ITSN2: variants seen among roughly 807,000 people sequenced by gnomAD.
ITSN2 encodes intersectin-2.
ITSN2 carries 156 observed loss-of-function variants against 243.7 expected under a neutral mutation model. That is an observed-to-expected ratio of 0.64 (90% confidence interval 0.56 to 0.73). ITSN2 has a LOEUF of 0.73. Among genes scored for constraint, ITSN2 ranks in the 30% least tolerant of loss-of-function variants. The probability of loss-of-function intolerance (pLI) is 0.00; values close to 1 mark genes in which losing one functional copy is unlikely to be tolerated. For synonymous variants in ITSN2, 703 were observed against 699.9 expected (o/e 1.00, Z -0.07); for missense variants, 1,801 against 1,996.1 (o/e 0.90, Z 1.86).
At chr2:24,317,152 G>T (rs374781200) in intron 2 of ITSN2, among the ~76,000 whole-genome samples, 6 of 152,272 alleles carry the variant, frequency 3.9e-5, no homozygotes, top group African/African-American at 1.4e-4. Flanking sequence ...AGGCCGAGGC[G>T]GGCGGATCAC....
intron 30 of ITSN2, chr2:24,220,408 G>C: frequency 1.0e-6 from 1 of 985,064 alleles, no homozygotes; most frequent in South Asian, 4.7e-5. Flanking sequence ...TCAGCGTAGA[G>C]GTCACTGGTA....
Position 24,204,111 on chromosome 2 carries a change from A to T in ITSN2, c.4936+134T>A. 2.3e-6 allele frequency: 2 copies of T among 883,646 alleles called. No individual in the cohort carries two copies. The highest frequency in any genetic ancestry group is 3.5e-6 in the Non-Finnish European group (2 of 569,538). The allele number at this position is 883,646 out of a possible 1,614,324, so 54.7% of individuals were successfully genotyped here. Reference sequence around the variant, plus strand: ...AGGAAGGCCACCCACCTGCTGCCAAAGCGAGATGACACAGGCCTGTGTCAC... The same window carrying T: ...AGGAAGGCCACCCACCTGCTGCCAATGCGAGATGACACAGGCCTGTGTCAC... On this transcript the variant is annotated intron_variant, in intron 39 of 39. Transcript: ENST00000355123. The surrounding 1 kb of genome is among the most constrained non-coding windows in gnomAD (Gnocchi z 5.1).
At chr2:24,219,517 T>G (rs1670258343) in intron 30 of ITSN2, among the ~76,000 whole-genome samples, 1 of 152,214 alleles carries the variant, frequency 6.6e-6, no homozygotes, top group Non-Finnish European at 1.5e-5. Flanking sequence ...TGCTGATTCA[T>G]TCATGCCCCT....
At chr2:24,271,643 A>G in intron 19 of ITSN2, 123 bp downstream of exon 19, 1 of 1,254,986 alleles carries the variant, frequency 8.0e-7, no homozygotes, top group Non-Finnish European at 1.0e-6. Flanking sequence ...TTAATTTATA[A>G]AAAGGTTTTT....
At chr2:24,323,669 G>A (rs913139173) in intron 2 of ITSN2, among the ~76,000 whole-genome samples, 1 of 151,978 alleles carries the variant, frequency 6.6e-6, no homozygotes, top group African/African-American at 2.4e-5. Context: ...GAAACTCATC[G>A]AACCGTATAC....
At chr2:24,344,559 A>G (rs1687345509) in intron 1 of ITSN2, among the ~76,000 whole-genome samples, 2 of 152,182 alleles carry the variant, frequency 1.3e-5, no homozygotes, top group African/African-American at 2.4e-5. Flanking sequence ...TGAATTGCCT[A>G]TTCATTTATT....
chr2:24,322,754 T>C (rs1178319059), intron 2 of ITSN2, among the ~76,000 whole-genome samples: 4 of 152,128 alleles, frequency 2.6e-5, no homozygotes, highest in African/African-American at 9.7e-5. Flanking sequence ...TTCCACTCTC[T>C]TAAAGGACAC....
chr2:24,350,140 A>G (rs1490488791), intron 1 of ITSN2, among the ~76,000 whole-genome samples: 1 of 152,202 alleles, frequency 6.6e-6, no homozygotes. Flanking sequence ...CATAAATATC[A>G]GAGGTTATGG....
At chr2:24,356,260 G>A (rs151014954) in intron 1 of ITSN2, among the ~76,000 whole-genome samples, 1 of 150,504 alleles carries the variant, frequency 6.6e-6, no homozygotes, top group East Asian at 2.0e-4. Context: ...AGCTACTTGG[G>A]AGGTGAACCT....
intron 1 of ITSN2, among the ~76,000 whole-genome samples, chr2:24,358,366 T>A (rs893233695): frequency 2.6e-5 from 4 of 152,348 alleles, no homozygotes; most frequent in Admixed American, 1.3e-4. Flanking sequence ...TTCACTTACC[T>A]TTTTGATGGG....
Position 24,211,041 on chromosome 2 carries a change from G to T in ITSN2, c.4090-94C>A. 8.1e-7 allele frequency: 1 copy of T among 1,233,418 alleles called. No individual in the cohort carries two copies. The highest frequency in any genetic ancestry group is 1.2e-6 in the Non-Finnish European group (1 of 865,282). 76.4% of individuals were successfully genotyped at this position (1,233,418 alleles called of 1,614,324 possible). On this transcript the variant is annotated intron_variant, in intron 33 of 39. Coordinates refer to ENST00000355123, the MANE Select transcript of ITSN2 (RefSeq NM_006277.3). The surrounding 1 kb of genome is among the most constrained non-coding windows in gnomAD (Gnocchi z 4.1). ...GACCGCTCCTCCAACCCCATGTTAT[G>T]GACTGCTTCCATGCCCTGGAAACGC...
chr2:24,299,309 T>C (rs1681428136), intron 12 of ITSN2, among the ~76,000 whole-genome samples: 1 of 152,198 alleles, frequency 6.6e-6, no homozygotes, highest in African/African-American at 2.4e-5. Flanking sequence ...ACTTCATAAA[T>C]ATAAATGTTA....
At chr2:24,278,284 T>C (rs1678280874) in intron 17 of ITSN2, among the ~76,000 whole-genome samples, 5 of 152,226 alleles carry the variant, frequency 3.3e-5, no homozygotes, top group Admixed American at 3.3e-4. Context: ...TCCTCTATCA[T>C]AGTGTCTTCT....
At chr2:24,349,455 AC>A (rs1687842339) in intron 1 of ITSN2, among the ~76,000 whole-genome samples, 1 of 152,212 alleles carries the variant, frequency 6.6e-6, no homozygotes, top group Admixed American at 6.5e-5. Flanking sequence ...ACACAAATGT[AC>A]AAAATATGGC....
At chr2:24,303,437 T>C (rs1347786835) in intron 9 of ITSN2, among the ~76,000 whole-genome samples, 1 of 152,224 alleles carries the variant, frequency 6.6e-6, no homozygotes, top group Non-Finnish European at 1.5e-5. Flanking sequence ...GCTTAAAGAA[T>C]AGGATATAAA....
chr2:24,253,060 G>A (rs1007794723), intron 24 of ITSN2, among the ~76,000 whole-genome samples: 1 of 152,150 alleles, frequency 6.6e-6, no homozygotes, highest in Non-Finnish European at 1.5e-5. Context: ...GTAGACGCTC[G>A]ATAAATAGTT....
chr2:24,306,583 C>T (rs188377909), intron 8 of ITSN2, among the ~76,000 whole-genome samples: 1 of 152,172 alleles, frequency 6.6e-6, no homozygotes, highest in Non-Finnish European at 1.5e-5. Context: ...AATATACTGT[C>T]ATTTATCTAT....
At chr2:24,349,304 C>T (rs181590152) in intron 1 of ITSN2, among the ~76,000 whole-genome samples, 40 of 152,242 alleles carry the variant, frequency 2.6e-4, no homozygotes, top group Non-Finnish European at 4.7e-4. Context: ...ACCACCTAAC[C>T]AAAGCAAGGT....
At chr2:24,303,484 GTGT>G (rs1682057095) in intron 9 of ITSN2, among the ~76,000 whole-genome samples, 2 of 152,228 alleles carry the variant, frequency 1.3e-5, no homozygotes, top group Admixed American at 1.3e-4. Flanking sequence ...TTTAAGCTAA[GTGT>G]TATTACAAGA....
Sources: allele counts gnomAD v4.1 joint callset (sites outside exome capture counted in the v4.1 genomes callset), GRCh38; gene constraint gnomAD v4.1.1; non-coding constraint Gnocchi (gnomAD v3.1); transcripts MANE v1.5; gene names NCBI Gene and HGNC (gene_info 2026-07-23, HGNC 2026-07-21).